Variants in CFAP95 observed in about 807,000 individuals in gnomAD.
CFAP95 encodes the protein cilia and flagella associated protein 95, also known as cilia- and flagella-associated protein 95.
the CFAP95 span, among the ~76,000 whole-genome samples, chr9:69,857,590 T>A: frequency 1.3e-5 from 2 of 152,220 alleles, no homozygotes; most frequent in East Asian, 1.9e-4. Context: ...AGTGGCGTGA[T>A]CTTGGCTCAC....
At chr9:69,862,057 G>C in the CFAP95 span, among the ~76,000 whole-genome samples, 1 of 152,184 alleles carries the variant, frequency 6.6e-6, no homozygotes, top group African/African-American at 2.4e-5. Flanking sequence ...TCAATGCTCT[G>C]AAGGGAAAGA....
the CFAP95 span, among the ~76,000 whole-genome samples, chr9:69,841,100 TA>T: frequency 8.0e-5 from 11 of 136,762 alleles, no homozygotes; most frequent in East Asian, 8.6e-4. Context: ...CTTCTTCCAT[TA>T]AAAAAAAAGT....
the CFAP95 span, among the ~76,000 whole-genome samples, chr9:69,898,971 C>G: frequency 1.3e-5 from 2 of 151,878 alleles, no homozygotes; most frequent in African/African-American, 4.8e-5. Flanking sequence ...ATCTTTGGTT[C>G]TTTGTCCTCA....
At chr9:69,842,750 T>C in the CFAP95 span, among the ~76,000 whole-genome samples, 4 of 152,192 alleles carry the variant, frequency 2.6e-5, no homozygotes, top group Non-Finnish European at 5.9e-5. Flanking sequence ...AGTGAAAGCT[T>C]CCTGTTAGGA....
the CFAP95 span, among the ~76,000 whole-genome samples, chr9:69,877,155 G>A: frequency 1.3e-5 from 2 of 151,934 alleles, no homozygotes; most frequent in African/African-American, 4.8e-5. Flanking sequence ...ATTTTTATAA[G>A]ACTAAAGGTT....
chr9:69,841,996 C>G, the CFAP95 span, among the ~76,000 whole-genome samples: 1 of 152,174 alleles, frequency 6.6e-6, no homozygotes, highest in African/African-American at 2.4e-5. Flanking sequence ...CATTGCTCTC[C>G]CCATCACCCC....
the CFAP95 span, among the ~76,000 whole-genome samples, chr9:69,900,431 C>G: frequency 2.0e-5 from 3 of 152,214 alleles, no homozygotes; most frequent in Non-Finnish European, 4.4e-5. Context: ...TCTGCCTGTT[C>G]TGTTCTCTGA....
chr9:69,898,260 A>G, the CFAP95 span, among the ~76,000 whole-genome samples: 1 of 152,062 alleles, frequency 6.6e-6, no homozygotes. Context: ...TTCAGAGCCT[A>G]TGACATTGCA....
At chr9:69,900,636 CT>C in the CFAP95 span, among the ~76,000 whole-genome samples, 1 of 152,210 alleles carries the variant, frequency 6.6e-6, no homozygotes, top group Non-Finnish European at 1.5e-5. Flanking sequence ...TTCTGTGACT[CT>C]TATGCAGCCC....
chr9:69,833,175 A>G, the CFAP95 span, among the ~76,000 whole-genome samples: 3 of 152,072 alleles, frequency 2.0e-5, no homozygotes, highest in Non-Finnish European at 4.4e-5. Flanking sequence ...CCTTACTCCA[A>G]GCCTCCCCTA....
the CFAP95 span, among the ~76,000 whole-genome samples, chr9:69,896,785 G>T: frequency 6.6e-6 from 1 of 152,128 alleles, no homozygotes; most frequent in African/African-American, 2.4e-5. Flanking sequence ...TGCTTTGGGA[G>T]GCTTGAGATG....
the CFAP95 span, among the ~76,000 whole-genome samples, chr9:69,880,751 G>A: frequency 2.0e-5 from 3 of 152,126 alleles, no homozygotes; most frequent in African/African-American, 4.8e-5. Flanking sequence ...TCTCCATAGT[G>A]GTTGTACTAA....
At chr9:69,858,852 G>A in the CFAP95 span, among the ~76,000 whole-genome samples, 1 of 152,144 alleles carries the variant, frequency 6.6e-6, no homozygotes, top group Non-Finnish European at 1.5e-5. Flanking sequence ...TGTTTTGGCA[G>A]GGAAGCATGA....
At chr9:69,895,369 C>CTCTCTCTGTG in the CFAP95 span, among the ~76,000 whole-genome samples, 27 of 107,920 alleles carry the variant, frequency 2.5e-4, 1 homozygote, top group African/African-American at 8.6e-4. Flanking sequence ...CTCTCTCTCT[C>CTCTCTCTGTG]TGTGTGTGTG....
At chr9:69,860,852 T>A in the CFAP95 span, among the ~76,000 whole-genome samples, 1 of 152,188 alleles carries the variant, frequency 6.6e-6, no homozygotes, top group Admixed American at 6.5e-5. Flanking sequence ...CATCTTGAGC[T>A]TCTGATAGGC....
chr9:69,880,374 T>G, the CFAP95 span, among the ~76,000 whole-genome samples: 2 of 152,162 alleles, frequency 1.3e-5, no homozygotes, highest in Non-Finnish European at 2.9e-5. Context: ...TTGTTTTGGT[T>G]TGTAGATCCC....
chr9:69,898,116 ACTGAAAATGCACC>A, the CFAP95 span, among the ~76,000 whole-genome samples: 1 of 148,470 alleles, frequency 6.7e-6, no homozygotes, highest in Non-Finnish European at 1.5e-5. Flanking sequence ...CCAACCCTTC[ACTGAAAATGCACC>A]CTCAAGGGTG....
the CFAP95 span, among the ~76,000 whole-genome samples, chr9:69,903,128 G>A: frequency 2.0e-5 from 3 of 152,202 alleles, no homozygotes; most frequent in African/African-American, 7.2e-5. Flanking sequence ...CTTACTGACT[G>A]TCAGATGTGA....
the CFAP95 span, among the ~76,000 whole-genome samples, chr9:69,827,664 G>T: frequency 6.6e-6 from 1 of 152,142 alleles, no homozygotes; most frequent in African/African-American, 2.4e-5. Flanking sequence ...TGGTCCAACC[G>T]CTGTGCATGC....
Sources: gnomAD v4.1 joint callset for allele counts (sites outside exome capture counted in the v4.1 genomes callset) on GRCh38, gnomAD v4.1.1 for gene constraint, MANE v1.5 for transcripts, NCBI Gene and HGNC (gene_info 2026-07-23, HGNC 2026-07-21) for gene names.